Variants in RNF115 observed in about 807,000 individuals in gnomAD.
RNF115 encodes E3 ubiquitin-protein ligase RNF115.
A neutral mutation model predicts 39.2 loss-of-function variants in RNF115; 31 were observed. The observed-to-expected ratio is 0.79, with a 90% confidence interval of 0.59 to 1.07. The LOEUF is 1.07. Ranked by LOEUF, RNF115 falls within the 50% of genes least tolerant of loss-of-function variation. The pLI, the probability that RNF115 is intolerant of heterozygous loss-of-function variation, is 0.00. For synonymous variants in RNF115, 124 were observed against 131.0 expected, an observed-to-expected ratio of 0.95 and a Z score of 0.37; for missense variants, 384 against 381.7, an observed-to-expected ratio of 1.01 and a Z score of -0.05.
At chr1:145,801,410 C>T (rs1649238509) in intron 1 of RNF115, among the ~76,000 whole-genome samples, 2 of 151,592 alleles carry the variant, frequency 1.3e-5, no homozygotes, top group Admixed American at 1.3e-4. Context: ...ACTAAAAATA[C>T]AAAAATTAGC....
chr1:145,760,324 G>C (rs1478040827), intron 4 of RNF115, among the ~76,000 whole-genome samples: 1 of 152,164 alleles, frequency 6.6e-6, no homozygotes, highest in African/African-American at 2.4e-5. Context: ...AGGAAGCTGA[G>C]ATGGGAAGAT....
In RNF115 at chr1:145,750,419, G is replaced by A. The variant is rs781828040; in HGVS notation, c.655C>T (p.Gln219Ter). 6.2e-7 allele frequency: 1 copy of A among 1,612,654 alleles called. No homozygotes were observed. Among genetic ancestry groups the A allele is most frequent in the South Asian group, 1.1e-5 (1 of 91,000 alleles). ...ITSLPTVTVT[Q>*]EQVDMGLECP... Reference sequence around the variant, plus strand: ...AAAATGAACCTACCAACTTGTTCCTGAGTTACTGTCACTGTTGGAAGAGAT... The same window carrying A: ...AAAATGAACCTACCAACTTGTTCCTAAGTTACTGTCACTGTTGGAAGAGAT... Residue 219 changes from glutamine to a stop codon, truncating the protein, a stop_gained, in exon 7 of 9, where the codon CAG becomes TAG. Coordinates refer to ENST00000582693, the MANE Select transcript of RNF115 (RefSeq NM_014455.4). LOFTEE classifies it high-confidence loss of function.
chr1:145,784,878 C>T (rs1055479806), intron 2 of RNF115, among the ~76,000 whole-genome samples: 2 of 152,114 alleles, frequency 1.3e-5, no homozygotes, highest in South Asian at 2.1e-4. Flanking sequence ...CAATGCAATT[C>T]GGATTTGACC....
intron 1 of RNF115, among the ~76,000 whole-genome samples, chr1:145,807,887 C>A (rs782639542): frequency 6.6e-6 from 1 of 152,134 alleles, no homozygotes; most frequent in African/African-American, 2.4e-5. Context: ...ATTCCATTCT[C>A]TACCTGCATG....
intron 4 of RNF115, among the ~76,000 whole-genome samples, chr1:145,766,633 C>T (rs1418304406): frequency 3.3e-5 from 5 of 150,502 alleles, no homozygotes; most frequent in African/African-American, 9.8e-5. Flanking sequence ...GCTGACCCCC[C>T]CACCTCCCTC....
chr1:145,754,118 G>A (rs1553712859), intron 4 of RNF115, among the ~76,000 whole-genome samples: 1 of 152,114 alleles, frequency 6.6e-6, no homozygotes, highest in African/African-American at 2.4e-5. Context: ...TTCAACAGCA[G>A]CTAACTACAC....
intron 2 of RNF115, 64 bp downstream of exon 2, chr1:145,788,844 C>A: frequency 2.6e-6 from 3 of 1,150,294 alleles, no homozygotes; most frequent in South Asian, 1.2e-5. Context: ...CTTACTCAGT[C>A]CATGCTGAGA....
chr1:145,806,659 C>T (rs1186463125), intron 1 of RNF115, among the ~76,000 whole-genome samples: 1 of 152,020 alleles, frequency 6.6e-6, no homozygotes, highest in Non-Finnish European at 1.5e-5. Context: ...GAGTGTGGTA[C>T]CCCTCCCCTT....
At chr1:145,788,283 T>C (rs1308026398) in intron 2 of RNF115, among the ~76,000 whole-genome samples, 1 of 152,180 alleles carries the variant, frequency 6.6e-6, no homozygotes, top group African/African-American at 2.4e-5. Context: ...GGTTTCACCA[T>C]GTTGACCACG....
At chr1:145,802,445 A>T (rs1376743373) in intron 1 of RNF115, among the ~76,000 whole-genome samples, 1 of 152,222 alleles carries the variant, frequency 6.6e-6, no homozygotes, top group Non-Finnish European at 1.5e-5. Context: ...GACACCTTAG[A>T]GGACAAGGAG....
chr1:145,746,935 C>G lies in RNF115; in HGVS notation c.846G>C (p.Gln282His), dbSNP rs2101447957. The G allele has an allele frequency of 6.2e-7, 1 of 1,614,076 alleles. No individual in the cohort carries two copies. The highest frequency in any genetic ancestry group is 8.5e-7 in the Non-Finnish European group (1 of 1,179,938). ...TGTTGCTTGCAGAGGCCTCAGTGCT[C>G]TGGCTTTGCCGAGTAGAGTCCTCAC... ...LNGEDSTRQS[Q>H]STEASASNRF... Residue 282 changes from glutamine to histidine, a missense_variant, in exon 9 of 9, where the codon CAG becomes CAC. Coordinates refer to ENST00000582693, the MANE Select transcript of RNF115 (RefSeq NM_014455.4).
At chr1:145,804,461 A>G (rs1649378354) in intron 1 of RNF115, among the ~76,000 whole-genome samples, 1 of 151,740 alleles carries the variant, frequency 6.6e-6, no homozygotes, top group Non-Finnish European at 1.5e-5. Context: ...TGTGCACTTC[A>G]AAACATCATG....
At chr1:145,751,620 A>G in intron 5 of RNF115, 110 bp from the exon 6 acceptor site, 1 of 619,262 alleles carries the variant, frequency 1.6e-6, no homozygotes, top group Non-Finnish European at 2.9e-6. Flanking sequence ...CTGGAAAGTC[A>G]CTAGTCCTCC....
intron 1 of RNF115, among the ~76,000 whole-genome samples, chr1:145,820,891 TA>T (rs1262892153): frequency 7.2e-6 from 1 of 139,340 alleles, no homozygotes; most frequent in Admixed American, 7.6e-5. Context: ...CTGAACACTA[TA>T]AAAAATATAG....
chr1:145,746,239 A>C lies in RNF115; in HGVS notation c.*627T>G. On this transcript the variant is annotated 3_prime_UTR_variant, in exon 9 of 9. Transcript: ENST00000582693. ...AGACTCCATCTCAAAAAAAAAAAAC[A>C]AAAAAAATTAAAATAAGAAAACCAA... 1 of 151,418 alleles carries C rather than the reference A, an allele frequency of 6.6e-6. No homozygotes were observed. The highest frequency in any genetic ancestry group is 1.5e-5 in the Non-Finnish European group (1 of 67,876). 9.4% of individuals were successfully genotyped at this position (151,418 alleles called of 1,614,324 possible).
chr1:145,742,716 AT>A lies in RNF115; in HGVS notation c.*4149del, dbSNP rs1451001129. 6.6e-6 allele frequency: 1 copy of A among 152,244 alleles called. No individual in the cohort carries two copies. Among genetic ancestry groups the A allele is most frequent in the Non-Finnish European group, 1.5e-5 (1 of 68,044 alleles). 9.4% of individuals were successfully genotyped at this position (152,244 alleles called of 1,614,324 possible). ...TCTCTATTTACACATATATACATAT[AT>A]AAAAATGTGCAATACAAAGACATAA... On this transcript the variant is annotated 3_prime_UTR_variant, in exon 9 of 9. Coordinates refer to ENST00000582693, the MANE Select transcript of RNF115 (RefSeq NM_014455.4).
At position 145,824,080 on chromosome 1, in the gene RNF115, C is replaced by G; in HGVS notation, c.-207G>C. On this transcript the variant is annotated 5_prime_UTR_variant, in exon 1 of 9. Coordinates refer to ENST00000582693, the MANE Select transcript of RNF115 (RefSeq NM_014455.4). The stretch of plus-strand genomic sequence containing the variant: ...GGCCCGCCTCCCAGCACCAAAGAGG[C>G]GCAGGAAGGAGAGACAAACGGCCCG... The G allele has an allele frequency of 2.1e-6, 1 of 471,082 alleles. No individual in the cohort carries two copies. Among genetic ancestry groups the G allele is most frequent in the East Asian group, 3.7e-5 (1 of 26,786 alleles). The allele number at this position is 471,082 out of a possible 1,614,324, so 29.2% of individuals were successfully genotyped here. A position where few individuals can be genotyped will look rare whatever the true frequency, so the allele number is the denominator to read the frequency against.
intron 4 of RNF115, among the ~76,000 whole-genome samples, chr1:145,762,232 G>T (rs139626425): frequency 1.3e-5 from 2 of 152,198 alleles, no homozygotes; most frequent in African/African-American, 4.8e-5. Context: ...AGACTTTGGG[G>T]GACTGCTGGG....
At chr1:145,749,069 G>A (rs1188704252) in intron 7 of RNF115, among the ~76,000 whole-genome samples, 1 of 152,102 alleles carries the variant, frequency 6.6e-6, no homozygotes, top group Non-Finnish European at 1.5e-5. Context: ...TATACTGGGA[G>A]CTCCAAGCAG....
Sources: allele counts gnomAD v4.1 joint callset (sites outside exome capture counted in the v4.1 genomes callset), GRCh38; gene constraint gnomAD v4.1.1; transcripts MANE v1.5; gene names NCBI Gene and HGNC (gene_info 2026-07-23, HGNC 2026-07-21).